Variants in CACNA2D2 observed in about 807,000 individuals in gnomAD.
CACNA2D2 encodes the protein voltage-dependent calcium channel subunit alpha-2/delta-2.
CACNA2D2 carries 48 observed loss-of-function variants against 166.4 expected under a neutral mutation model. That is an observed-to-expected ratio of 0.29 (90% CI 0.23 to 0.37). The LOEUF (loss-of-function observed/expected upper bound fraction) is 0.37, where lower values mean the gene tolerates loss of function less well. Ranked by LOEUF, CACNA2D2 falls within the 10% of genes least tolerant of loss-of-function variation. CACNA2D2 has a pLI of 1.00. For synonymous variants in CACNA2D2, 561 were observed against 573.7 expected (o/e 0.98, Z 0.32); for missense variants, 1,122 against 1,433.0 (o/e 0.78, Z 3.50).
chr3:50,382,663 TTCTC>T (rs1329646070), intron 6 of CACNA2D2, among the ~76,000 whole-genome samples: 2 of 152,244 alleles, frequency 1.3e-5, no homozygotes, highest in African/African-American at 4.8e-5. Flanking sequence ...ATTTCTATTT[TTCTC>T]TCTAAGGAAA....
chr3:50,419,119 T>C (rs1436977254), intron 3 of CACNA2D2, among the ~76,000 whole-genome samples: 1 of 152,134 alleles, frequency 6.6e-6, no homozygotes, highest in Non-Finnish European at 1.5e-5. Context: ...TCAGCTGAAG[T>C]TCTCTAGAGG....
At chr3:50,403,494 C>G (rs1360095961) in intron 3 of CACNA2D2, among the ~76,000 whole-genome samples, 1 of 152,192 alleles carries the variant, frequency 6.6e-6, no homozygotes, top group Non-Finnish European at 1.5e-5. Context: ...GCCCTACTCC[C>G]ATGACCCCTT....
chr3:50,434,519 AG>A, intron 2 of CACNA2D2, 90 bp from the exon 3 acceptor site: 1 of 926,560 alleles, frequency 1.1e-6, no homozygotes, highest in Non-Finnish European at 1.8e-6. Context: ...AGCTCACCTC[AG>A]CACAGTATTC....
chr3:50,378,430 G>T, intron 13 of CACNA2D2, 97 bp from the exon 14 acceptor site: 1 of 1,207,504 alleles, frequency 8.3e-7, no homozygotes, highest in Non-Finnish European at 1.2e-6. Context: ...GCCCTGCCTC[G>T]CCTCTTGGGC....
chr3:50,452,109 C>T (rs1709128496), intron 2 of CACNA2D2, among the ~76,000 whole-genome samples: 1 of 152,244 alleles, frequency 6.6e-6, no homozygotes, highest in Non-Finnish European at 1.5e-5. Flanking sequence ...GCAGATGTGG[C>T]TCCACTGCCT....
At chr3:50,428,623 A>T (rs1269790576) in intron 3 of CACNA2D2, among the ~76,000 whole-genome samples, 1 of 152,176 alleles carries the variant, frequency 6.6e-6, no homozygotes, top group Non-Finnish European at 1.5e-5. Context: ...TGCCCACTGG[A>T]GCCCCTAGAA....
At chr3:50,377,978 C>A (rs1705077111) in intron 15 of CACNA2D2, 30 bp downstream of exon 15, 3 of 1,600,428 alleles carry the variant, frequency 1.9e-6, no homozygotes, top group African/African-American at 1.3e-5. Flanking sequence ...AGGGTGCCAG[C>A]CCCACCCCTT....
At chr3:50,390,510 GA>G (rs1191198066) in intron 4 of CACNA2D2, among the ~76,000 whole-genome samples, 3 of 152,170 alleles carry the variant, frequency 2.0e-5, no homozygotes, top group African/African-American at 7.2e-5. Context: ...GCTGAGTGTG[GA>G]AGAGTCCCGG....
chr3:50,480,973 C>T (rs1321202438), intron 1 of CACNA2D2, among the ~76,000 whole-genome samples: 1 of 29,374 alleles, frequency 3.4e-5, no homozygotes, highest in African/African-American at 1.3e-4. Context: ...GAGAAGAGTC[C>T]GTGTGCAGAT....
chr3:50,462,241 G>A (rs1370824393), intron 2 of CACNA2D2, among the ~76,000 whole-genome samples: 3 of 151,910 alleles, frequency 2.0e-5, no homozygotes, highest in Admixed American at 2.0e-4. Flanking sequence ...ATACAAAAAC[G>A]AGGCAGGTGT....
chr3:50,399,667 G>A (rs1241280922), intron 3 of CACNA2D2, among the ~76,000 whole-genome samples: 1 of 152,178 alleles, frequency 6.6e-6, no homozygotes, highest in Non-Finnish European at 1.5e-5. Context: ...AGGGGATTGA[G>A]GCTCAAAGCA....
chr3:50,475,487 G>C (rs543916172), intron 2 of CACNA2D2, among the ~76,000 whole-genome samples: 1 of 152,132 alleles, frequency 6.6e-6, no homozygotes, highest in Admixed American at 6.5e-5. Flanking sequence ...GCATCTCCAC[G>C]TAGAGAGCAA....
rs567248378 is a variant in CACNA2D2 at position 50,499,933 on chromosome 3, G to C, written c.206+3285C>G. Among the ~76,000 whole-genome samples the C allele has an allele frequency of 2.0e-5, 3 of 152,300 alleles. No individual in the cohort carries two copies. The East Asian group carries it at 5.8e-4, about 29-fold the overall frequency. ...CCAGGAGGGCTGTGAGCACCTGGCA[G>C]CTCTGCATCTCGGTGACAGCAGCAG... On this transcript the variant is annotated intron_variant, in intron 1 of 37. Coordinates refer to ENST00000424201, the MANE Select transcript of CACNA2D2 (RefSeq NM_006030.4).
At chr3:50,496,342 C>T (rs115416925) in intron 1 of CACNA2D2, among the ~76,000 whole-genome samples, 136 of 152,362 alleles carry the variant, frequency 8.9e-4, no homozygotes, top group African/African-American at 2.9e-3. Context: ...TACAAACACA[C>T]GCACACAAGT....
rs1000840575 is a variant in CACNA2D2 at position 50,384,069 on chromosome 3, C to T, written c.652+127G>A. 1.1e-5 allele frequency: 13 copies of T among 1,178,592 alleles called. No homozygotes were observed. The African/African-American group carries it at 1.5e-4, about 14-fold the overall frequency. 73.0% of individuals were successfully genotyped at this position (1,178,592 alleles called of 1,614,324 possible). A position where few individuals can be genotyped will look rare whatever the true frequency, so the allele number is the denominator to read the frequency against. On this transcript the variant is annotated intron_variant, in intron 6 of 37. Coordinates refer to ENST00000424201, the MANE Select transcript of CACNA2D2 (RefSeq NM_006030.4). ...AATCTGAGAGGTGCGCAGGAGTAAT[C>T]TCAGGTGTAGGAGGCTGGAGGTAGA...
intron 4 of CACNA2D2, among the ~76,000 whole-genome samples, chr3:50,388,453 C>T (rs587724369): frequency 6.8e-4 from 103 of 152,368 alleles, no homozygotes; most frequent in African/African-American, 2.3e-3. Context: ...TCCAGGTGCT[C>T]CTCAGCCCTG....
intron 3 of CACNA2D2, among the ~76,000 whole-genome samples, chr3:50,396,425 T>A (rs1706155587): frequency 1.3e-5 from 2 of 152,316 alleles, no homozygotes; most frequent in Admixed American, 1.3e-4. Context: ...ACCACTTCTC[T>A]GCATGTAAAA....
chr3:50,436,645 A>T (rs771509662), intron 2 of CACNA2D2, among the ~76,000 whole-genome samples: 1 of 152,232 alleles, frequency 6.6e-6, no homozygotes, highest in Non-Finnish European at 1.5e-5. Flanking sequence ...CAGGCTGGGG[A>T]CAGCAAACCC....
chr3:50,419,171 A>C (rs895023334), intron 3 of CACNA2D2, among the ~76,000 whole-genome samples: 2 of 152,198 alleles, frequency 1.3e-5, no homozygotes, highest in Non-Finnish European at 2.9e-5. Context: ...AAGAGGCATC[A>C]TGGTATCATA....
Sources: allele counts gnomAD v4.1 joint callset (sites outside exome capture counted in the v4.1 genomes callset), GRCh38; gene constraint gnomAD v4.1.1; transcripts MANE v1.5; gene names NCBI Gene and HGNC (gene_info 2026-07-23, HGNC 2026-07-21).